DNAH9: variants seen among roughly 807,000 people sequenced by gnomAD.
The protein encoded by DNAH9 is DNAH9 variant protein.
DNAH9 carries 345 observed loss-of-function variants against 471.6 expected under a neutral mutation model. That is an observed-to-expected ratio of 0.73 (90% CI 0.67 to 0.80). DNAH9 has a LOEUF of 0.80. Among genes scored for constraint, DNAH9 ranks in the 30% least tolerant of loss-of-function variants. The pLI is 0.00. For missense variants in DNAH9, 5,407 were observed against 5,609.2 expected, an observed-to-expected ratio of 0.96 and a Z score of 1.15; for synonymous variants, 2,093 against 2,123.6, an observed-to-expected ratio of 0.99 and a Z score of 0.40.
chr17:11,688,623 A>T (rs936477399), intron 19 of DNAH9, among the ~76,000 whole-genome samples: 2 of 152,204 alleles, frequency 1.3e-5, no homozygotes, highest in East Asian at 1.9e-4. Flanking sequence ...TGTGGAGTGC[A>T]TCTGGGTCCC....
chr17:11,867,017 G>A (rs534450029), intron 50 of DNAH9, among the ~76,000 whole-genome samples: 33 of 152,312 alleles, frequency 2.2e-4, no homozygotes, highest in Non-Finnish European at 4.0e-4. Context: ...CGCATGGTGC[G>A]CTGCACCCAC....
At chr17:11,882,038 C>T (rs1379652738) in intron 55 of DNAH9, among the ~76,000 whole-genome samples, 1 of 152,216 alleles carries the variant, frequency 6.6e-6, no homozygotes, top group Non-Finnish European at 1.5e-5. Context: ...TGAAATTCTA[C>T]AAGGGTAACA....
chr17:11,811,734 A>G (rs1722984123), intron 45 of DNAH9, among the ~76,000 whole-genome samples: 1 of 152,096 alleles, frequency 6.6e-6, no homozygotes, highest in Admixed American at 6.6e-5. Context: ...AATCCCAATA[A>G]TCTGGCAATA....
chr17:11,619,666 G>A lies in DNAH9; in HGVS notation c.1235G>A (p.Arg412Lys). The A allele has an allele frequency of 1.2e-6, 2 of 1,613,872 alleles. No individual in the cohort carries two copies. The highest frequency in any genetic ancestry group is 1.7e-6 in the Non-Finnish European group (2 of 1,179,740). ...TTCAAGCAAGAGTTTCAGGACAGAA[G>A]GGAGAATCTCCACACTTACTTCAAA... ...SFFKQEFQDR[R>K]ENLHTYFKEN... Residue 412 changes from arginine to lysine, a missense_variant, in exon 6 of 69, where the codon AGG (arginine) becomes AAG (lysine). Transcript: ENST00000262442.
chr17:11,842,486 C>A (rs910479221), intron 49 of DNAH9, among the ~76,000 whole-genome samples: 1 of 152,142 alleles, frequency 6.6e-6, no homozygotes, highest in African/African-American at 2.4e-5. Flanking sequence ...AGTGAAGCTC[C>A]ACAATAGGCT....
Position 11,821,927 on chromosome 17 carries a change from C to T in DNAH9, c.8715C>T (p.Ile2905=), listed in dbSNP as rs62060898. The stretch of plus-strand genomic sequence containing the variant: ...TGCTCCATTTTTTCCCAGGGGAGAT[C>T]CCAGATCTCTACTCTGATGATGAAG... ...LINDLLASGE[I]PDLYSDDEVE... The change falls in exon 46 of 69, where the codon ATC becomes ATT. Residue 2905 remains isoleucine (I), a synonymous_variant. Transcript: ENST00000262442. The T allele has an allele frequency of 4.1e-3, 6,556 of 1,611,340 alleles. 21 individuals are homozygous for T. The highest frequency in any genetic ancestry group is 5.0e-3 in the Non-Finnish European group (5,900 of 1,179,136).
chr17:11,613,496 T>C (rs2072679453), intron 4 of DNAH9, among the ~76,000 whole-genome samples: 1 of 152,016 alleles, frequency 6.6e-6, no homozygotes, highest in African/African-American at 2.4e-5. Context: ...TCCCAGCTAA[T>C]TGGGAGGCTG....
intron 67 of DNAH9, among the ~76,000 whole-genome samples, chr17:11,957,257 T>G (rs1975692735): frequency 6.6e-6 from 1 of 152,124 alleles, no homozygotes; most frequent in Admixed American, 6.5e-5. Flanking sequence ...ATTGAATTCA[T>G]GACTTAAAAT....
At chr17:11,869,325 A>G in intron 51 of DNAH9, 72 bp downstream of exon 51, 1 of 1,583,760 alleles carries the variant, frequency 6.3e-7, no homozygotes, top group Admixed American at 1.7e-5. Flanking sequence ...GAGGTGCAAG[A>G]TAGATGAGCA....
intron 48 of DNAH9, among the ~76,000 whole-genome samples, chr17:11,834,272 T>C (rs1299443935): frequency 7.9e-6 from 1 of 126,636 alleles, no homozygotes; most frequent in Non-Finnish European, 1.5e-5. Flanking sequence ...GAGGTTGCAG[T>C]GAGCCGAGAT....
chr17:11,699,156 G>A (rs1351274074), intron 22 of DNAH9, among the ~76,000 whole-genome samples: 2 of 152,154 alleles, frequency 1.3e-5, no homozygotes, highest in Non-Finnish European at 2.9e-5. Flanking sequence ...GGCTGAGGCA[G>A]GAGAATCGCT....
intron 48 of DNAH9, among the ~76,000 whole-genome samples, chr17:11,825,448 G>A (rs1970456979): frequency 6.6e-6 from 1 of 152,156 alleles, no homozygotes; most frequent in Admixed American, 6.5e-5. Context: ...TAAGGGATAG[G>A]AAAAATACTT....
intron 50 of DNAH9, among the ~76,000 whole-genome samples, chr17:11,856,034 C>A (rs1971612413): frequency 2.0e-5 from 3 of 152,148 alleles, no homozygotes; most frequent in Admixed American, 6.6e-5. Context: ...AGCTGCCCCC[C>A]TGCTGTGTGA....
At chr17:11,872,827 G>A (rs537467322) in intron 52 of DNAH9, among the ~76,000 whole-genome samples, 4 of 152,338 alleles carry the variant, frequency 2.6e-5, no homozygotes, top group Admixed American at 2.6e-4. Context: ...GGCTGAGGCA[G>A]GAGAATGGCG....
chr17:11,725,692 C>G (rs2075138544), intron 27 of DNAH9, among the ~76,000 whole-genome samples: 1 of 152,052 alleles, frequency 6.6e-6, no homozygotes, highest in Non-Finnish European at 1.5e-5. Flanking sequence ...CATGGTGAAA[C>G]CCCGTCTCCA....
In DNAH9 at chr17:11,929,938, C is replaced by T; in HGVS notation, c.11950C>T (p.Pro3984Ser). Residue 3984 changes from proline to serine, a missense_variant, in exon 63 of 69, where the codon CCA (proline) becomes TCA (serine). Physicochemically the swap from Pro to Ser is moderately conservative, Grantham distance 74. Transcript: ENST00000262442. ...KLEEHSENSH[P>S]EFRVFMSAEP... ...GGAGGAGCACAGTGAGAACAGCCAC[C>T]CAGAGTTCAGGGTCTTCATGAGTGC... 6.2e-7 allele frequency: 1 copy of T among 1,614,044 alleles called. No individual in the cohort carries two copies. The highest frequency in any genetic ancestry group is 8.5e-7 in the Non-Finnish European group (1 of 1,179,984).
intron 22 of DNAH9, among the ~76,000 whole-genome samples, chr17:11,696,575 CAG>C (rs1156538343): frequency 6.6e-6 from 1 of 152,132 alleles, no homozygotes; most frequent in African/African-American, 2.4e-5. Flanking sequence ...GCTTCTCAAA[CAG>C]AGCCAAAGGA....
chr17:11,840,483 G>A (rs1970995356), intron 49 of DNAH9, among the ~76,000 whole-genome samples: 1 of 151,928 alleles, frequency 6.6e-6, no homozygotes, highest in Non-Finnish European at 1.5e-5. Context: ...TTTATTGTTT[G>A]TGTGTAAGAA....
rs1161045270 is a variant in DNAH9 at position 11,762,758 on chromosome 17, GTTTTTTTTTTTGTTTTT to G, written c.6996-670_6996-654del. Among the ~76,000 whole-genome samples, 8 of 94,776 alleles carry G rather than the reference GTTTTTTTTTTTGTTTTT, an allele frequency of 8.4e-5. No individual in the cohort carries two copies. In the South Asian group the frequency reaches 1.1e-3, roughly 13 times the overall value. The allele number at this position is 94,776 out of a possible 152,430, so 62.2% of individuals were successfully genotyped here. A position where few individuals can be genotyped will look rare whatever the true frequency, so the allele number is the denominator to read the frequency against. Reference sequence around the variant, plus strand: ...GCACCAAAATTGCCTCTTTAGGTGCGTTTTTTTTTTTGTTTTTTTTTTTTTTTTTTTTTTTTTTTGAG... The same window carrying G: ...GCACCAAAATTGCCTCTTTAGGTGCGTTTTTTTTTTTTTTTTTTTTTTGAG... On this transcript the variant is annotated intron_variant, in intron 35 of 68. Coordinates refer to ENST00000262442, the MANE Select transcript of DNAH9 (RefSeq NM_001372.4).
Sources: allele counts gnomAD v4.1 joint callset (sites outside exome capture counted in the v4.1 genomes callset), GRCh38; gene constraint gnomAD v4.1.1; transcripts MANE v1.5; gene names NCBI Gene and HGNC (gene_info 2026-07-23, HGNC 2026-07-21).